Variants in MPHOSPH6 observed in about 807,000 individuals in gnomAD.
MPHOSPH6 encodes the protein M-phase phosphoprotein 6.
Under a neutral mutation model 21.8 loss-of-function variants are expected in MPHOSPH6, and 25 were observed. The observed-to-expected ratio is 1.15, with a 90% CI of 0.83 to 1.60. The LOEUF (loss-of-function observed/expected upper bound fraction) is 1.60, where lower values mean the gene tolerates loss of function less well. MPHOSPH6 is among the 40% of genes most tolerant of loss of function. The pLI is 0.00. For synonymous variants in MPHOSPH6, 84 were observed against 56.5 expected (o/e 1.49, Z -2.18); for missense variants, 269 against 181.8 (o/e 1.48, Z -2.76).
rs77764651 is a variant in MPHOSPH6, at chr16:82,160,699, C to G, written c.164+3383G>C. ...CAGCATCCACCTGGGCCACTTCACG[C>G]CATCCCTCATAGGAGTTGGGGACAA... On this transcript the variant is annotated intron_variant, in intron 2 of 4. Coordinates refer to ENST00000258169, the MANE Select transcript of MPHOSPH6 (RefSeq NM_005792.2). Among the ~76,000 whole-genome samples, 150 of 152,290 alleles carry G rather than the reference C, an allele frequency of 9.8e-4. 3 individuals are homozygous for G. In the East Asian group the frequency reaches 0.025, roughly 25 times the overall value.
intron 2 of MPHOSPH6, among the ~76,000 whole-genome samples, chr16:82,161,509 A>C (rs971390142): frequency 6.6e-5 from 10 of 152,240 alleles, no homozygotes; most frequent in African/African-American, 2.4e-4. Flanking sequence ...TTGGGGAAAA[A>C]AACAATAAGG....
chr16:82,167,816 C>T (rs924954218), intron 1 of MPHOSPH6, among the ~76,000 whole-genome samples: 20 of 152,262 alleles, frequency 1.3e-4, no homozygotes, highest in African/African-American at 3.6e-4. Context: ...CTTGCCTGCC[C>T]GCTGCTCACT....
In MPHOSPH6 at chr16:82,170,209, G is replaced by A. The variant is rs998253484; in HGVS notation, c.-34C>T. ...CCGCCCAGCGCCGCACTCCGGCCGC[G>A]AGCCTCACCGCACATGCGCGGAGCC... On this transcript the variant is annotated 5_prime_UTR_variant, in exon 1 of 5. Coordinates refer to ENST00000258169, the MANE Select transcript of MPHOSPH6 (RefSeq NM_005792.2). The A allele has an allele frequency of 3.2e-6, 5 of 1,566,216 alleles. No homozygotes were observed. The highest frequency in any genetic ancestry group is 2.3e-5 in the South Asian group (2 of 86,268).
chr16:82,170,091 AC>A (rs748827461), intron 1 of MPHOSPH6, 33 bp downstream of exon 1: 1 of 1,574,434 alleles, frequency 6.4e-7, no homozygotes, highest in Admixed American at 1.8e-5. Context: ...GGGTGCCCCT[AC>A]CGCCCGGAGT....
intron 1 of MPHOSPH6, among the ~76,000 whole-genome samples, chr16:82,166,059 A>T (rs72628279): frequency 2.0e-5 from 3 of 151,882 alleles, no homozygotes; most frequent in Non-Finnish European, 4.4e-5. Flanking sequence ...ACGCAAAATG[A>T]GTGCGTGTAA....
intron 4 of MPHOSPH6, 84 bp from the exon 5 acceptor site, chr16:82,148,947 G>T: frequency 6.7e-7 from 1 of 1,482,846 alleles, no homozygotes; most frequent in Non-Finnish European, 9.1e-7. Context: ...GACCAAATAT[G>T]CAATAAAAAA....
At chr16:82,158,898 C>G (rs1403450630) in intron 2 of MPHOSPH6, among the ~76,000 whole-genome samples, 1 of 152,194 alleles carries the variant, frequency 6.6e-6, no homozygotes, top group Non-Finnish European at 1.5e-5. Flanking sequence ...CTATACAACT[C>G]ATTTTCCAAA....
rs577826366 is a variant in MPHOSPH6, at chr16:82,163,282, T to C, written c.164+800A>G. On this transcript the variant is annotated intron_variant, in intron 2 of 4. Transcript: ENST00000258169. ...GACCAAAGTTTAAGTAAAACTACCA[T>C]ACAACAGAGCTTACTAAGGTGAGGA... Among the ~76,000 whole-genome samples, 36 of 152,296 alleles carry C rather than the reference T, an allele frequency of 2.4e-4. No individual in the cohort carries two copies. In the South Asian group the frequency reaches 5.8e-3, roughly 25 times the overall value.
At position 82,164,146 on chromosome 16, in the gene MPHOSPH6, C is replaced by T; in HGVS notation, c.100G>A (p.Glu34Lys). 2 of 1,612,414 alleles carry T rather than the reference C, an allele frequency of 1.2e-6. No homozygotes were observed. Among genetic ancestry groups the T allele is most frequent in the African/African-American group, 1.3e-5 (1 of 75,050 alleles). Residue 34 changes from glutamate to lysine, a missense_variant, in exon 2 of 5, where the codon GAA becomes AAA. By Grantham distance (56) the Glu-to-Lys change is moderately conservative. Coordinates refer to ENST00000258169, the MANE Select transcript of MPHOSPH6 (RefSeq NM_005792.2). ...DSETKKQLEEEEKKIISEEHW... is the reference protein window; with the variant it reads ...DSETKKQLEEKEKKIISEEHW... ...TCTTCACTAATGATTTTCTTTTCTT[C>T]TTCTTCTAGTTGTTTCTTGGTTTCT...
At chr16:82,149,159 G>T in intron 4 of MPHOSPH6, 150 bp downstream of exon 4, 1 of 853,888 alleles carries the variant, frequency 1.2e-6, no homozygotes, top group Non-Finnish European at 1.9e-6. Context: ...TGTGGCCCCC[G>T]TAGGCCATTA....
chr16:82,154,534 T>C (rs1906368666), intron 2 of MPHOSPH6, among the ~76,000 whole-genome samples: 1 of 152,074 alleles, frequency 6.6e-6, no homozygotes, highest in Non-Finnish European at 1.5e-5. Context: ...GAATAGTTAC[T>C]GTAAATTTAT....
At chr16:82,154,555 A>T (rs555396135) in intron 2 of MPHOSPH6, among the ~76,000 whole-genome samples, 111 of 152,296 alleles carry the variant, frequency 7.3e-4, no homozygotes, top group Middle Eastern at 3.4e-3. Flanking sequence ...TCAAGGATTT[A>T]AACGAAAACA....
chr16:82,152,482 T>A (rs1293716710), intron 2 of MPHOSPH6, among the ~76,000 whole-genome samples: 1 of 152,138 alleles, frequency 6.6e-6, no homozygotes, highest in African/African-American at 2.4e-5. Flanking sequence ...GGGGGACTGG[T>A]TCCAGGACCC....
rs1555540871 is a variant in MPHOSPH6, at chr16:82,165,144, T to TTTG, written c.52-951_52-950insCAA. ...TTATTTTTTTTTTTATTTTTTTTTT[T>TTTG]TGAGACAGAGTCTCACTCTGTCGCC... On this transcript the variant is annotated intron_variant, in intron 1 of 4. Transcript: ENST00000258169. Among the ~76,000 whole-genome samples the TTTG allele has an allele frequency of 7.6e-3, 829 of 108,452 alleles. 31 individuals are homozygous for TTTG. Among genetic ancestry groups the TTTG allele is most frequent in the Non-Finnish European group, 0.012 (617 of 53,372 alleles). The allele number at this position is 108,452 out of a possible 152,430, so 71.1% of individuals were successfully genotyped here.
chr16:82,151,459 T>C lies in MPHOSPH6; in HGVS notation c.220A>G (p.Arg74Gly). 6.2e-7 allele frequency: 1 copy of C among 1,607,518 alleles called. No homozygotes were observed. ...FLLCEDLLYG[R>G]MSFRGFNPEV... is the part of the protein sequence containing the mutation. ...GGATTAAATCCTCTGAATGACATTCTTCCATAGAGAAGATCTTCACATAGT... is the reference window on the plus strand; with the variant it reads ...GGATTAAATCCTCTGAATGACATTCCTCCATAGAGAAGATCTTCACATAGT... Residue 74 changes from arginine to glycine, a missense_variant, in exon 3 of 5, where the codon AGA (arginine) becomes GGA (glycine). Coordinates refer to ENST00000258169, the MANE Select transcript of MPHOSPH6 (RefSeq NM_005792.2).
rs550594720 is a variant in MPHOSPH6, at chr16:82,166,967, A to G, written c.52-2773T>C. On this transcript the variant is annotated intron_variant, in intron 1 of 4. Coordinates refer to ENST00000258169, the MANE Select transcript of MPHOSPH6 (RefSeq NM_005792.2). ...CTAGAGCATTTCAGAACACATTCCA[A>G]AACTAGTGAGGACTCAGAGCAGGCA... Among the ~76,000 whole-genome samples, 26 of 152,298 alleles carry G rather than the reference A, an allele frequency of 1.7e-4. 1 individual carries two copies. The highest frequency in any genetic ancestry group is 4.6e-4 in the African/African-American group (19 of 41,564).
At chr16:82,155,262 C>T (rs1268903644) in intron 2 of MPHOSPH6, among the ~76,000 whole-genome samples, 1 of 152,200 alleles carries the variant, frequency 6.6e-6, no homozygotes, top group Non-Finnish European at 1.5e-5. Context: ...GCTTTCCCAA[C>T]TGTGATCAGA....
At chr16:82,149,493 G>T (rs1906194255) in intron 3 of MPHOSPH6, 90 bp from the exon 4 acceptor site, 3 of 1,093,196 alleles carry the variant, frequency 2.7e-6, no homozygotes, top group South Asian at 2.5e-5. Flanking sequence ...AGAAACTGAA[G>T]TCAAATAATC....
intron 1 of MPHOSPH6, among the ~76,000 whole-genome samples, chr16:82,169,712 G>A (rs1031306328): frequency 2.6e-5 from 4 of 152,198 alleles, no homozygotes; most frequent in Admixed American, 2.0e-4. Context: ...GAGGAAAAGA[G>A]ATATTCAGAG....
Sources: gnomAD v4.1 joint callset for allele counts (sites outside exome capture counted in the v4.1 genomes callset) on GRCh38, gnomAD v4.1.1 for gene constraint, MANE v1.5 for transcripts, NCBI Gene and HGNC (gene_info 2026-07-23, HGNC 2026-07-21) for gene names.